The following GPM6A variants were observed in gnomAD, a reference collection of about 807,000 sequenced individuals.
GPM6A encodes glycoprotein M6A.
In GPM6A, 7 loss-of-function variants were observed where a neutral mutation model predicts 32.1. The ratio of observed to expected loss-of-function variants is 0.22; its 90% confidence interval spans 0.12 to 0.41. The LOEUF (loss-of-function observed/expected upper bound fraction) is 0.41, where lower values mean the gene tolerates loss of function less well. GPM6A is among the 10% of genes least tolerant of loss of function. The probability of loss-of-function intolerance (pLI) is 1.00; values close to 1 mark genes in which losing one functional copy is unlikely to be tolerated. For missense variants in GPM6A, 235 were observed against 347.2 expected, an observed-to-expected ratio of 0.68 and a Z score of 2.57; for synonymous variants, 130 against 123.4, an observed-to-expected ratio of 1.05 and a Z score of -0.35.
chr4:175,888,670 T>A lies in GPM6A; in HGVS notation c.-22-76421A>T, dbSNP rs533719940. ...AGACTTTACTGAGAAAATTTTTAAA[T>A]CATTGAAGAACAGAAATGTCTTAAA... On this transcript the variant is annotated intron_variant, in intron 1 of 7. Transcript: ENST00000280187. 7.2e-5 allele frequency among the ~76,000 whole-genome samples: 11 copies of A among 152,216 alleles called. 1 individual carries two copies. The highest frequency in any genetic ancestry group is 6.8e-3 in the Middle Eastern group (2 of 294).
chr4:175,918,643 G>T (rs1304229483), intron 1 of GPM6A, among the ~76,000 whole-genome samples: 3 of 152,108 alleles, frequency 2.0e-5, no homozygotes, highest in Non-Finnish European at 2.9e-5. Context: ...AAGATCTTTG[G>T]CTGAAAAGCT....
chr4:175,874,801 T>G (rs1725820524), intron 1 of GPM6A, among the ~76,000 whole-genome samples: 1 of 151,604 alleles, frequency 6.6e-6, no homozygotes, highest in African/African-American at 2.4e-5. Context: ...AGAGGAAAAT[T>G]TATACAGTTC....
intron 1 of GPM6A, among the ~76,000 whole-genome samples, chr4:175,723,103 T>A (rs1295415984): frequency 6.6e-6 from 1 of 152,200 alleles, no homozygotes; most frequent in African/African-American, 2.4e-5. Context: ...AATGAGATTC[T>A]AAATATGGCC....
chr4:175,975,621 C>T (rs571105459), intron 1 of GPM6A, among the ~76,000 whole-genome samples: 2 of 152,256 alleles, frequency 1.3e-5, no homozygotes, highest in Admixed American at 6.5e-5. Context: ...CAGTTCCTAA[C>T]TAATTTTTAG....
intron 3 of GPM6A, chr4:175,654,358 G>C (rs1192235113): frequency 2.0e-5 from 3 of 152,084 alleles, no homozygotes; most frequent in African/African-American, 7.2e-5. Context: ...TCTGTAAAAT[G>C]GAAATAACTC....
At chr4:175,650,164 C>T (rs1741699292) in intron 4 of GPM6A, among the ~76,000 whole-genome samples, 1 of 152,114 alleles carries the variant, frequency 6.6e-6, no homozygotes, top group Admixed American at 6.6e-5. Flanking sequence ...TGCTTTTCCC[C>T]CCGTACACAT....
intron 1 of GPM6A, among the ~76,000 whole-genome samples, chr4:175,742,252 CT>C (rs148973735): frequency 8.4e-4 from 128 of 152,102 alleles, no homozygotes; most frequent in African/African-American, 3.0e-3. Context: ...AAAATAATTC[CT>C]TCTCCTTTAT....
At chr4:175,646,503 G>A (rs770471812) in intron 4 of GPM6A, among the ~76,000 whole-genome samples, 2 of 152,160 alleles carry the variant, frequency 1.3e-5, no homozygotes, top group African/African-American at 4.8e-5. Flanking sequence ...GAGAAAGTAT[G>A]ATGAGCCAGG....
At chr4:175,817,797 T>A (rs1735154212) in intron 1 of GPM6A, among the ~76,000 whole-genome samples, 1 of 152,246 alleles carries the variant, frequency 6.6e-6, no homozygotes. Flanking sequence ...TCTCTTTTAC[T>A]ATTTATTAGA....
chr4:175,654,236 T>C (rs998534255), intron 3 of GPM6A: 44 of 152,308 alleles, frequency 2.9e-4, no homozygotes, highest in African/African-American at 8.7e-4. Flanking sequence ...GATCCTAAAC[T>C]AAATATCACG....
chr4:175,965,272 G>A (rs1391123932), intron 1 of GPM6A, among the ~76,000 whole-genome samples: 3 of 151,886 alleles, frequency 2.0e-5, no homozygotes, highest in Non-Finnish European at 4.4e-5. Context: ...GCTATAAATC[G>A]TAAAGACAGA....
intron 1 of GPM6A, among the ~76,000 whole-genome samples, chr4:175,874,394 G>A (rs1245386809): frequency 6.6e-6 from 1 of 152,146 alleles, no homozygotes; most frequent in African/African-American, 2.4e-5. Context: ...CAGCCAACGG[G>A]GTTCTGGACG....
intron 1 of GPM6A, among the ~76,000 whole-genome samples, chr4:175,875,907 C>G (rs1032757983): frequency 1.3e-5 from 2 of 151,990 alleles, no homozygotes; most frequent in African/African-American, 2.4e-5. Context: ...GTAGACTAAC[C>G]CTTGATGTAA....
At chr4:175,792,443 A>G (rs1734049707) in intron 1 of GPM6A, among the ~76,000 whole-genome samples, 1 of 152,192 alleles carries the variant, frequency 6.6e-6, no homozygotes, top group South Asian at 2.1e-4. Flanking sequence ...CAAAAAGAAG[A>G]GGCAACCCTA....
chr4:175,672,100 A>T (rs542773879), intron 3 of GPM6A, among the ~76,000 whole-genome samples: 1 of 152,068 alleles, frequency 6.6e-6, no homozygotes, highest in Non-Finnish European at 1.5e-5. Flanking sequence ...ATCTCTCTCT[A>T]TATATAGATA....
At chr4:175,734,083 A>C (rs962668385) in intron 1 of GPM6A, among the ~76,000 whole-genome samples, 5 of 151,260 alleles carry the variant, frequency 3.3e-5, no homozygotes, top group Middle Eastern at 3.4e-3. Context: ...AATTAAATCT[A>C]TCTCTCTTAC....
intron 1 of GPM6A, among the ~76,000 whole-genome samples, chr4:175,872,916 C>T (rs958938522): frequency 7.9e-5 from 12 of 152,156 alleles, no homozygotes; most frequent in African/African-American, 2.9e-4. Context: ...TCTGGGTTTA[C>T]AGATAAATAC....
chr4:175,663,754 C>T (rs1447776348), intron 3 of GPM6A, among the ~76,000 whole-genome samples: 2 of 145,868 alleles, frequency 1.4e-5, no homozygotes, highest in African/African-American at 5.2e-5. Context: ...AGTGCAGTGG[C>T]GCAGTCTCGG....
chr4:175,863,552 G>A (rs1428773481), intron 1 of GPM6A, among the ~76,000 whole-genome samples: 16 of 151,966 alleles, frequency 1.1e-4, no homozygotes, highest in Non-Finnish European at 2.4e-4. Flanking sequence ...TTGTTTATGA[G>A]TCTTGGCGTG....
Sources: gnomAD v4.1 joint callset for allele counts (sites outside exome capture counted in the v4.1 genomes callset) on GRCh38, gnomAD v4.1.1 for gene constraint, MANE v1.5 for transcripts, NCBI Gene and HGNC (gene_info 2026-07-23, HGNC 2026-07-21) for gene names.